FBXL7: variants seen among roughly 807,000 people sequenced by gnomAD.
FBXL7 encodes the protein F-box/LRR-repeat protein 7.
A neutral mutation model predicts 38.3 loss-of-function variants in FBXL7; 12 were observed. That is an observed-to-expected ratio of 0.31 (90% CI 0.20 to 0.51). The LOEUF (loss-of-function observed/expected upper bound fraction) is 0.51, where lower values mean the gene tolerates loss of function less well. Ranked by LOEUF, FBXL7 falls within the 20% of genes least tolerant of loss-of-function variation. FBXL7 has a pLI of 0.98. For synonymous variants in FBXL7, 297 were observed against 300.9 expected, an observed-to-expected ratio of 0.99 and a Z score of 0.13; for missense variants, 567 against 676.4, an observed-to-expected ratio of 0.84 and a Z score of 1.79.
chr5:15,791,239 T>C (rs1418268923), intron 2 of FBXL7, among the ~76,000 whole-genome samples: 1 of 152,176 alleles, frequency 6.6e-6, no homozygotes, highest in East Asian at 1.9e-4. Flanking sequence ...GTAGGTAAAC[T>C]TAGTATTCTA....
intron 2 of FBXL7, among the ~76,000 whole-genome samples, chr5:15,755,310 C>T (rs1323460444): frequency 6.6e-6 from 1 of 152,140 alleles, no homozygotes; most frequent in Non-Finnish European, 1.5e-5. Flanking sequence ...AAGAACTTCT[C>T]TTATCAAAAG....
chr5:15,739,858 G>C (rs886825835), intron 2 of FBXL7, among the ~76,000 whole-genome samples: 3 of 152,018 alleles, frequency 2.0e-5, no homozygotes, highest in Non-Finnish European at 4.4e-5. Context: ...GTTTTTGTGT[G>C]CACCTATGTT....
intron 2 of FBXL7, among the ~76,000 whole-genome samples, chr5:15,635,424 G>C (rs1230033287): frequency 6.6e-6 from 1 of 152,168 alleles, no homozygotes; most frequent in Non-Finnish European, 1.5e-5. Context: ...CCTGGGCTCT[G>C]AAATGGACAC....
intron 2 of FBXL7, among the ~76,000 whole-genome samples, chr5:15,774,302 T>C (rs573045617): frequency 5.3e-5 from 8 of 152,252 alleles, no homozygotes; most frequent in Non-Finnish European, 1.2e-4. Context: ...TAATCCAAAA[T>C]AACTTTCTCC....
chr5:15,612,027 A>G (rs1740255951), intron 1 of FBXL7, among the ~76,000 whole-genome samples: 1 of 152,138 alleles, frequency 6.6e-6, no homozygotes, highest in Admixed American at 6.5e-5. Context: ...TACTTCCTTA[A>G]TTAATTAAAT....
At chr5:15,566,413 C>T (rs951715933) in intron 1 of FBXL7, among the ~76,000 whole-genome samples, 1 of 152,098 alleles carries the variant, frequency 6.6e-6, no homozygotes, top group Admixed American at 6.6e-5. Flanking sequence ...CTTAAGAATA[C>T]CAAACAATAG....
intron 1 of FBXL7, among the ~76,000 whole-genome samples, chr5:15,531,944 T>C (rs1283385175): frequency 2.0e-5 from 3 of 152,212 alleles, no homozygotes; most frequent in African/African-American, 7.2e-5. Flanking sequence ...TGTGTGATCA[T>C]TGATTAATTA....
chr5:15,727,072 C>T (rs1258583319), intron 2 of FBXL7, among the ~76,000 whole-genome samples: 1 of 152,130 alleles, frequency 6.6e-6, no homozygotes, highest in Non-Finnish European at 1.5e-5. Context: ...TGAATTTATA[C>T]CAGCTTGGCT....
At chr5:15,518,778 C>T (rs1313021794) in intron 1 of FBXL7, among the ~76,000 whole-genome samples, 1 of 152,120 alleles carries the variant, frequency 6.6e-6, no homozygotes, top group Non-Finnish European at 1.5e-5. Context: ...CTTGAGACAT[C>T]CCACCCAGGA....
intron 2 of FBXL7, among the ~76,000 whole-genome samples, chr5:15,797,500 C>T (rs140294302): frequency 4.0e-3 from 608 of 152,296 alleles, no homozygotes; most frequent in Middle Eastern, 0.017. Flanking sequence ...TGGGCTGATG[C>T]TCTCTTGTTC....
At chr5:15,779,174 G>C (rs10051629) in intron 2 of FBXL7, among the ~76,000 whole-genome samples, 36,386 of 151,804 alleles carry the variant, frequency 0.24, 4,670 homozygotes, top group African/African-American at 0.33. Context: ...TCAGAATGGT[G>C]GTTACCAGAG....
Position 15,845,767 on chromosome 5 carries a change from C to T in FBXL7, c.128-82123C>T, listed in dbSNP as rs188482333. 5.4e-4 allele frequency among the ~76,000 whole-genome samples: 82 copies of T among 152,134 alleles called. No individual in the cohort carries two copies. In the East Asian group the frequency reaches 0.012, roughly 22 times the overall value. ...TGGGTGGATCATGAGGTCAGGAGAT[C>T]GAGACCATCCTGGCTAACACGGTGA... On this transcript the variant is annotated intron_variant, in intron 2 of 3. Transcript: ENST00000504595.
At chr5:15,667,860 T>C (rs1461430298) in intron 2 of FBXL7, among the ~76,000 whole-genome samples, 1 of 152,196 alleles carries the variant, frequency 6.6e-6, no homozygotes, top group Non-Finnish European at 1.5e-5. Flanking sequence ...TTTTTGCTGG[T>C]ATTAACCTTC....
At chr5:15,598,257 G>C (rs953758176) in intron 1 of FBXL7, among the ~76,000 whole-genome samples, 15 of 152,120 alleles carry the variant, frequency 9.9e-5, no homozygotes, top group African/African-American at 3.6e-4. Context: ...TAAGTATAAT[G>C]CTTCTTATTT....
chr5:15,663,561 C>T (rs1212596254), intron 2 of FBXL7, among the ~76,000 whole-genome samples: 1 of 152,128 alleles, frequency 6.6e-6, no homozygotes, highest in Non-Finnish European at 1.5e-5. Context: ...AAAGCCATTA[C>T]CCTGTCTATT....
intron 2 of FBXL7, among the ~76,000 whole-genome samples, chr5:15,796,343 T>G (rs1306328003): frequency 6.6e-6 from 1 of 152,212 alleles, no homozygotes. Flanking sequence ...AATAAAATGT[T>G]ATTGGAACAT....
Position 15,937,743 on chromosome 5 carries a change from T to TA in FBXL7, c.*563dup, listed in dbSNP as rs891804388. On this transcript the variant is annotated 3_prime_UTR_variant, in exon 4 of 4. Transcript: ENST00000504595. ...AGGCAAAATACTTTTCAGGCCTTTT[T>TA]AAAAAATTCATTACAGCAAACAGCT... 1.3e-5 allele frequency: 2 copies of TA among 152,794 alleles called. No individual in the cohort carries two copies. Among genetic ancestry groups the TA allele is most frequent in the Admixed American group, 1.3e-4 (2 of 15,336 alleles). 9.5% of individuals were successfully genotyped at this position (152,794 alleles called of 1,614,324 possible).
At chr5:15,563,575 G>A (rs913818684) in intron 1 of FBXL7, among the ~76,000 whole-genome samples, 1 of 152,028 alleles carries the variant, frequency 6.6e-6, no homozygotes, top group Non-Finnish European at 1.5e-5. Flanking sequence ...AGGAAGCCGA[G>A]TTCTCTTTAG....
chr5:15,686,872 G>A (rs1743031665), intron 2 of FBXL7, among the ~76,000 whole-genome samples: 1 of 152,178 alleles, frequency 6.6e-6, no homozygotes, highest in Non-Finnish European at 1.5e-5. Flanking sequence ...ACCCACAGGG[G>A]CTTCAAGCAT....
Sources: allele counts gnomAD v4.1 joint callset (sites outside exome capture counted in the v4.1 genomes callset), GRCh38; gene constraint gnomAD v4.1.1; transcripts MANE v1.5; gene names NCBI Gene and HGNC (gene_info 2026-07-23, HGNC 2026-07-21).